Variants in COL24A1 observed in about 807,000 individuals in gnomAD.
COL24A1 encodes the protein collagen type XXIV alpha 1 chain.
COL24A1 carries 224 observed loss-of-function variants against 253.9 expected under a neutral mutation model. The ratio of observed to expected loss-of-function variants is 0.88; its 90% CI spans 0.79 to 0.99. COL24A1 has a LOEUF of 0.99. Ranked by LOEUF, COL24A1 falls within the 50% of genes least tolerant of loss-of-function variation. The pLI, the probability that COL24A1 is intolerant of heterozygous loss-of-function variation, is 0.00. For synonymous variants in COL24A1, 685 were observed against 673.7 expected (o/e 1.02, Z -0.26); for missense variants, 2,131 against 2,068.5 (o/e 1.03, Z -0.59).
chr1:86,135,827 C>G (rs7554369), intron 2 of COL24A1, among the ~76,000 whole-genome samples: 118,375 of 151,934 alleles, frequency 0.78, 47,285 homozygotes, highest in Non-Finnish European at 0.87. Flanking sequence ...TGTACATTCT[C>G]ATTTTTGCTG....
intron 18 of COL24A1, among the ~76,000 whole-genome samples, chr1:86,018,218 C>T (rs1039389561): frequency 1.2e-4 from 18 of 152,148 alleles, no homozygotes; most frequent in Non-Finnish European, 1.9e-4. Flanking sequence ...ACGGGATTGC[C>T]CATTTTCCAA....
Position 85,859,697 on chromosome 1 carries a change from G to A in COL24A1, c.3300+8822C>T, listed in dbSNP as rs1051194807. 2.0e-5 allele frequency among the ~76,000 whole-genome samples: 3 copies of A among 152,244 alleles called. No individual in the cohort carries two copies. In the East Asian group the frequency reaches 5.8e-4, roughly 29 times the overall value. On this transcript the variant is annotated intron_variant, in intron 37 of 59. Transcript: ENST00000370571. ...TGTAAGTAATATTTTGCTCCAAAAT[G>A]TTGGCTTTTAAAAGTTAACATTGCC...
At chr1:85,873,628 A>C (rs1243104987) in intron 35 of COL24A1, among the ~76,000 whole-genome samples, 1 of 152,210 alleles carries the variant, frequency 6.6e-6, no homozygotes, top group Non-Finnish European at 1.5e-5. Context: ...TATAGGTGGG[A>C]AATAAACAAT....
intron 24 of COL24A1, among the ~76,000 whole-genome samples, chr1:85,948,831 AAAGTAT>A (rs1689606905): frequency 6.6e-6 from 1 of 151,454 alleles, no homozygotes; most frequent in African/African-American, 2.4e-5. Flanking sequence ...CCTAGAACTT[AAAGTAT>A]AATAAAAAAT....
intron 2 of COL24A1, among the ~76,000 whole-genome samples, chr1:86,132,403 C>T (rs1426565997): frequency 1.3e-5 from 2 of 152,154 alleles, no homozygotes; most frequent in East Asian, 3.9e-4. Flanking sequence ...GCTTTTGTTG[C>T]CATTGCTTTT....
chr1:86,077,233 T>A (rs906448797), intron 7 of COL24A1, among the ~76,000 whole-genome samples: 6 of 152,092 alleles, frequency 3.9e-5, no homozygotes, highest in Admixed American at 6.5e-5. Flanking sequence ...CCAACACACA[T>A]ATGAAAAAAA....
Position 85,826,105 on chromosome 1 carries a change from G to A in COL24A1, c.3682-2367C>T, listed in dbSNP as rs925212146. 2.2e-5 allele frequency among the ~76,000 whole-genome samples: 3 copies of A among 139,224 alleles called. No individual in the cohort carries two copies. The Admixed American group carries it at 2.2e-4, about 10-fold the overall frequency. The allele number at this position is 139,224 out of a possible 152,430, so 91.3% of individuals were successfully genotyped here. A position where few individuals can be genotyped will look rare whatever the true frequency, so the allele number is the denominator to read the frequency against. ...CCATCTTGAATTGATTTTTGTATAA[G>A]GTGTAAGGAAGGGATCCAGTTTCAG... On this transcript the variant is annotated intron_variant, in intron 43 of 59. Transcript: ENST00000370571.
chr1:85,816,786 A>G lies in COL24A1; in HGVS notation c.3951+2T>C, dbSNP rs1194575457. 3 of 1,607,424 alleles carry G rather than the reference A, an allele frequency of 1.9e-6. No homozygotes were observed. Among genetic ancestry groups the G allele is most frequent in the Non-Finnish European group, 2.6e-6 (3 of 1,173,980 alleles). On this transcript the variant is annotated splice_donor_variant, in intron 47 of 59. Transcript: ENST00000370571. LOFTEE classifies it high-confidence loss of function. Reference sequence around the variant, plus strand: ...GAGCAAAGAGATATCCGTACTACTCACAGGAAGTCCCTGTTTTCCTGGTGG... The same window carrying G: ...GAGCAAAGAGATATCCGTACTACTCGCAGGAAGTCCCTGTTTTCCTGGTGG...
intron 10 of COL24A1, among the ~76,000 whole-genome samples, chr1:86,056,212 G>A (rs1487335225): frequency 1.3e-5 from 2 of 151,740 alleles, no homozygotes; most frequent in East Asian, 1.9e-4. Flanking sequence ...TGTGTTTTCA[G>A]TGCAATTTCT....
chr1:86,124,911 A>G lies in COL24A1; in HGVS notation c.1425T>C (p.Tyr475=), dbSNP rs1433707308. 3 of 1,607,680 alleles carry G rather than the reference A, an allele frequency of 1.9e-6. No individual in the cohort carries two copies. Among genetic ancestry groups the G allele is most frequent in the Non-Finnish European group, 2.5e-6 (3 of 1,177,502 alleles). The change falls in exon 3 of 60, where the codon TAT becomes TAC. Residue 475 remains tyrosine (Y), a synonymous_variant. Coordinates refer to ENST00000370571, the MANE Select transcript of COL24A1 (RefSeq NM_152890.7). ...TTTCAAGCATTGTATTTAGATCCTC[A>G]TAATAATAATAATCATAAAGCTCAG... ...YETELYDYYY[Y]EDLNTMLEME...
chr1:85,989,405 A>T (rs1273216621), intron 19 of COL24A1, among the ~76,000 whole-genome samples: 2 of 151,766 alleles, frequency 1.3e-5, no homozygotes, highest in Non-Finnish European at 2.9e-5. Flanking sequence ...TCATTTACTA[A>T]GCCCCATCCA....
At position 85,921,216 on chromosome 1, in the gene COL24A1, G is replaced by A. The variant is rs534921559; in HGVS notation, c.2563-9783C>T. ...CATGACAGAATACACCTGGAAAATC[G>A]GGACACTCCTGCCCAAATACTGCAG... is the stretch of plus-strand genomic sequence containing the variant. On this transcript the variant is annotated intron_variant, in intron 24 of 59. Transcript: ENST00000370571. Among the ~76,000 whole-genome samples, 42 of 152,282 alleles carry A rather than the reference G, an allele frequency of 2.8e-4. 1 individual carries two copies. Among genetic ancestry groups the A allele is most frequent in the African/African-American group, 9.6e-4 (40 of 41,560 alleles).
chr1:86,086,662 C>T (rs1703086149), intron 7 of COL24A1, among the ~76,000 whole-genome samples: 1 of 152,026 alleles, frequency 6.6e-6, no homozygotes, highest in Non-Finnish European at 1.5e-5. Flanking sequence ...TGTAGGAACA[C>T]ATCAAACATG....
intron 10 of COL24A1, among the ~76,000 whole-genome samples, chr1:86,056,856 CA>C (rs369894155): frequency 0.083 from 7,936 of 95,928 alleles, 367 homozygotes; most frequent in African/African-American, 0.18. Flanking sequence ...TCTGTCTCAC[CA>C]AAAAAAAAAA....
At chr1:85,744,640 A>C in intron 57 of COL24A1, 26 bp downstream of exon 57, 3 of 1,551,940 alleles carry the variant, frequency 1.9e-6, no homozygotes, top group Non-Finnish European at 1.8e-6. Flanking sequence ...ATTCACTATC[A>C]GAGTTTGAGG....
intron 3 of COL24A1, among the ~76,000 whole-genome samples, chr1:86,117,126 C>T (rs1054311680): frequency 6.6e-6 from 1 of 152,170 alleles, no homozygotes; most frequent in Non-Finnish European, 1.5e-5. Context: ...GGTTTAGTGT[C>T]CTGTCTCACT....
chr1:85,889,439 G>A, intron 32 of COL24A1, 121 bp downstream of exon 32: 1 of 781,908 alleles, frequency 1.3e-6, no homozygotes, highest in South Asian at 1.7e-5. Context: ...ATTAGTCTAT[G>A]GTGTCTATGA....
chr1:85,768,585 T>TTG (rs1318865376), intron 53 of COL24A1, among the ~76,000 whole-genome samples: 2 of 112,146 alleles, frequency 1.8e-5, no homozygotes, highest in Non-Finnish European at 4.1e-5. Flanking sequence ...AGTTCTTTTG[T>TTG]GCGGGGGGAG....
chr1:86,051,484 T>C (rs1011706318), intron 10 of COL24A1, among the ~76,000 whole-genome samples: 4 of 152,048 alleles, frequency 2.6e-5, no homozygotes, highest in African/African-American at 7.2e-5. Flanking sequence ...GGGCTAACAA[T>C]GTGCCATCAG....
Sources: gnomAD v4.1 joint callset for allele counts (sites outside exome capture counted in the v4.1 genomes callset) on GRCh38, gnomAD v4.1.1 for gene constraint, MANE v1.5 for transcripts, NCBI Gene and HGNC (gene_info 2026-07-23, HGNC 2026-07-21) for gene names.